The following ABHD17B variants were observed in gnomAD, a reference collection of about 807,000 sequenced individuals.
The protein encoded by ABHD17B is alpha/beta hydrolase domain-containing protein 17B.
ABHD17B carries 9 observed loss-of-function variants against 26.2 expected under a neutral mutation model. That is an observed-to-expected ratio of 0.34 (90% confidence interval 0.21 to 0.60). The LOEUF (loss-of-function observed/expected upper bound fraction) is 0.60, where lower values mean the gene tolerates loss of function less well. Among genes scored for constraint, ABHD17B ranks in the 20% least tolerant of loss-of-function variants. The pLI, the probability that ABHD17B is intolerant of heterozygous loss-of-function variation, is 0.80. For synonymous variants in ABHD17B, 127 were observed against 122.3 expected (o/e 1.04, Z -0.25); for missense variants, 224 against 352.1 (o/e 0.64, Z 2.91).
chr9:71,892,740 A>G (rs1826827303), intron 1 of ABHD17B, among the ~76,000 whole-genome samples: 1 of 151,808 alleles, frequency 6.6e-6, no homozygotes, highest in Non-Finnish European at 1.5e-5. Flanking sequence ...GTTTTCCAAA[A>G]TGAGTGGTTT....
chr9:71,884,246 G>T (rs954249871), intron 1 of ABHD17B, among the ~76,000 whole-genome samples: 1 of 152,158 alleles, frequency 6.6e-6, no homozygotes, highest in Admixed American at 6.5e-5. Context: ...TAAACTGCTT[G>T]GTAAGCCATT....
rs1404191 is a variant in ABHD17B at position 71,875,129 on chromosome 9, G to A, written c.-3-46C>T. ...GCAAATATTTTAATAACTGAATGTAGACTCATACAATAAAAAGTTAAAACA... is the reference window on the plus strand; with the variant it reads ...GCAAATATTTTAATAACTGAATGTAAACTCATACAATAAAAAGTTAAAACA... On this transcript the variant is annotated intron_variant, in intron 1 of 3. Transcript: ENST00000333421. The A allele has an allele frequency of 9.0e-3, 12,895 of 1,433,192 alleles. 74 individuals carry two copies. The highest frequency in any genetic ancestry group is 0.011 in the Non-Finnish European group (11,853 of 1,043,044). 88.8% of individuals were successfully genotyped at this position (1,433,192 alleles called of 1,614,324 possible).
At position 71,868,052 on chromosome 9, in the gene ABHD17B, CA is replaced by C. The variant is rs531749783; in HGVS notation, c.648-1047del. Reference sequence around the variant, plus strand: ...TGAAACCCCGTCTCTACTAAAAATACAAAAAAAAAAAAAAAAATTAGCCAGG... The same window carrying C: ...TGAAACCCCGTCTCTACTAAAAATACAAAAAAAAAAAAAAAATTAGCCAGG... On this transcript the variant is annotated intron_variant, in intron 3 of 3. Transcript: ENST00000333421. Among the ~76,000 whole-genome samples the C allele has an allele frequency of 1.0e-3, 138 of 131,502 alleles. 1 individual carries two copies. The highest frequency in any genetic ancestry group is 3.4e-3 in the African/African-American group (120 of 34,810). The allele number at this position is 131,502 out of a possible 152,430, so 86.3% of individuals were successfully genotyped here.
intron 3 of ABHD17B, 119 bp from the exon 4 acceptor site, chr9:71,867,125 T>A: frequency 7.9e-7 from 1 of 1,270,948 alleles, no homozygotes; most frequent in Non-Finnish European, 1.1e-6. Flanking sequence ...GTTCAGAAGG[T>A]AAGAATGTCT....
At chr9:71,863,976 TA>T (rs1825887866), downstream of ABHD17B, among the ~76,000 whole-genome samples, 1 of 152,212 alleles carries the variant, frequency 6.6e-6, no homozygotes, top group Admixed American at 6.5e-5. Flanking sequence ...GCACTTTGTG[TA>T]TCATTTTCCC....
At chr9:71,898,256 G>A (rs542127617) in intron 1 of ABHD17B, among the ~76,000 whole-genome samples, 81 of 152,116 alleles carry the variant, frequency 5.3e-4, no homozygotes, top group African/African-American at 1.8e-3. Flanking sequence ...TTCCCAAAAC[G>A]GAGGGAAAAT....
At chr9:71,880,530 T>G (rs1014059374) in intron 1 of ABHD17B, among the ~76,000 whole-genome samples, 1 of 152,112 alleles carries the variant, frequency 6.6e-6, no homozygotes, top group Non-Finnish European at 1.5e-5. Context: ...ATATGTTTGG[T>G]AGATGATATA....
intron 1 of ABHD17B, among the ~76,000 whole-genome samples, chr9:71,890,176 G>C (rs1826740635): frequency 6.6e-6 from 1 of 152,062 alleles, no homozygotes; most frequent in Admixed American, 6.6e-5. Context: ...TGCAATCCCA[G>C]CTAGTCGGGA....
intron 1 of ABHD17B, among the ~76,000 whole-genome samples, chr9:71,878,761 AAAAC>A (rs1425562029): frequency 6.6e-6 from 1 of 152,160 alleles, no homozygotes; most frequent in Non-Finnish European, 1.5e-5. Flanking sequence ...TCTATCAAAA[AAAAC>A]AAAGAGAGAG....
intron 1 of ABHD17B, among the ~76,000 whole-genome samples, chr9:71,881,663 G>A (rs972991735): frequency 2.0e-5 from 3 of 152,104 alleles, no homozygotes; most frequent in East Asian, 1.9e-4. Flanking sequence ...CGAGGCGGAC[G>A]GATCATGAGG....
chr9:71,908,268 C>G (rs1287087985), intron 1 of ABHD17B, among the ~76,000 whole-genome samples: 1 of 148,498 alleles, frequency 6.7e-6, no homozygotes, highest in Non-Finnish European at 1.5e-5. Context: ...GGCGGGTGCC[C>G]GTAATCCCAG....
intron 1 of ABHD17B, among the ~76,000 whole-genome samples, chr9:71,909,484 T>C (rs891393444): frequency 6.6e-6 from 1 of 152,206 alleles, no homozygotes; most frequent in Admixed American, 6.5e-5. Context: ...TATAAACATA[T>C]GTAGAGAAAC....
At chr9:71,868,877 C>T (rs951942072) in intron 3 of ABHD17B, among the ~76,000 whole-genome samples, 7 of 151,940 alleles carry the variant, frequency 4.6e-5, no homozygotes, top group East Asian at 1.9e-4. Context: ...TTGGTGGAGA[C>T]GGGGTTTCAC....
At chr9:71,899,053 G>GGCAGAGGCTACAGTGAGCCGA (rs1246233665) in intron 1 of ABHD17B, among the ~76,000 whole-genome samples, 14 of 152,018 alleles carry the variant, frequency 9.2e-5, no homozygotes, top group Admixed American at 7.9e-4. Flanking sequence ...GAACCCGGTA[G>GGCAGAGGCTACAGTGAGCCGA]GCAGAGGCTA....
At chr9:71,887,293 T>TAA (rs199554538) in intron 1 of ABHD17B, among the ~76,000 whole-genome samples, 1 of 150,824 alleles carries the variant, frequency 6.6e-6, no homozygotes, top group East Asian at 1.9e-4. Context: ...ACTATCCTAG[T>TAA]AAAAAAAAAG....
downstream of ABHD17B, among the ~76,000 whole-genome samples, chr9:71,863,498 G>GT (rs1476236011): frequency 6.6e-6 from 1 of 152,196 alleles, no homozygotes; most frequent in Non-Finnish European, 1.5e-5. Flanking sequence ...GCTCTCAGGA[G>GT]TAAGTAGGGG....
Position 71,910,990 on chromosome 9 carries a change from C to A in ABHD17B, c.-360G>T, listed in dbSNP as rs1365915220. The stretch of plus-strand genomic sequence containing the variant: ...GCCTCACGTCCCGCGCGGCCGTGGT[C>A]GCAGCCGCCGCCGCCACCGCCTCCC... On this transcript the variant is annotated 5_prime_UTR_variant, in exon 1 of 4. Coordinates refer to ENST00000333421, the MANE Select transcript of ABHD17B (RefSeq NM_001025780.3). 4 of 154,316 alleles carry A rather than the reference C, an allele frequency of 2.6e-5. No individual in the cohort carries two copies. The South Asian group carries it at 5.4e-4, about 21-fold the overall frequency. The allele number at this position is 154,316 out of a possible 1,614,324, so 9.6% of individuals were successfully genotyped here.
At chr9:71,889,673 C>T (rs1225902798) in intron 1 of ABHD17B, among the ~76,000 whole-genome samples, 1 of 151,902 alleles carries the variant, frequency 6.6e-6, no homozygotes, top group African/African-American at 2.4e-5. Flanking sequence ...AAGTAAACAC[C>T]AAAAGAATCA....
rs1348876475 is a variant in ABHD17B at position 71,865,964 on chromosome 9, C to T, written c.*823G>A. On this transcript the variant is annotated 3_prime_UTR_variant, in exon 4 of 4. Coordinates refer to ENST00000333421, the MANE Select transcript of ABHD17B (RefSeq NM_001025780.3). ...CTTTCGGGATTTCATACAATGAAGA[C>T]TACTGCAATTCTATGAAGACTATGA... The T allele has an allele frequency of 1.0e-6, 1 of 985,100 alleles. No homozygotes were observed. The highest frequency in any genetic ancestry group is 1.7e-5 in the African/African-American group (1 of 57,216). The allele number at this position is 985,100 out of a possible 1,614,324, so 61.0% of individuals were successfully genotyped here.
Sources: allele counts gnomAD v4.1 joint callset (sites outside exome capture counted in the v4.1 genomes callset), GRCh38; gene constraint gnomAD v4.1.1; transcripts MANE v1.5; gene names NCBI Gene and HGNC (gene_info 2026-07-23, HGNC 2026-07-21).